Variants in UST observed in about 807,000 individuals in gnomAD.
UST encodes the protein chondroitin sulfate 2-O-sulfotransferase.
Under a neutral mutation model 45.6 loss-of-function variants are expected in UST, and 21 were observed. That is an observed-to-expected ratio of 0.46 (90% CI 0.33 to 0.66). The LOEUF (loss-of-function observed/expected upper bound fraction) is 0.66, where lower values mean the gene tolerates loss of function less well. Ranked by LOEUF, UST falls within the 30% of genes least tolerant of loss-of-function variation. The probability of loss-of-function intolerance (pLI) is 0.02; values close to 1 mark genes in which losing one functional copy is unlikely to be tolerated. For missense variants in UST, 463 were observed against 512.4 expected (o/e 0.90, Z 0.93); for synonymous variants, 215 against 200.6 (o/e 1.07, Z -0.61).
At chr6:148,877,983 C>T (rs1411685748) in intron 1 of UST, among the ~76,000 whole-genome samples, 51 of 34,424 alleles carry the variant, frequency 1.5e-3, no homozygotes, top group African/African-American at 3.0e-3. Flanking sequence ...GGATCGTGTA[C>T]GAGTGTGGGG....
At chr6:148,945,000 G>A (rs147629417) in intron 3 of UST, among the ~76,000 whole-genome samples, 97 of 152,314 alleles carry the variant, frequency 6.4e-4, no homozygotes, top group African/African-American at 2.2e-3. Context: ...TACAAGAAAG[G>A]TCAGAGTGCT....
At chr6:148,947,715 T>G (rs537857367) in intron 3 of UST, among the ~76,000 whole-genome samples, 1 of 152,276 alleles carries the variant, frequency 6.6e-6, no homozygotes, top group Non-Finnish European at 1.5e-5. Flanking sequence ...AAAGCCTCGC[T>G]TAGAATGACC....
At chr6:148,976,075 A>G (rs1006435322) in intron 5 of UST, among the ~76,000 whole-genome samples, 5 of 152,258 alleles carry the variant, frequency 3.3e-5, no homozygotes, top group African/African-American at 9.6e-5. Flanking sequence ...AGTCTTATAA[A>G]TCAGTAAAAA....
rs368228638 is a variant in UST, at chr6:148,902,043, T to C, written c.291+15014T>C. ...TTTATTCTAGCTTCCAGTATTTCTG[T>C]TGAGAAAACGAATTCCTGATTTTTT... On this transcript the variant is annotated intron_variant, in intron 2 of 7. Transcript: ENST00000367463. Among the ~76,000 whole-genome samples the C allele has an allele frequency of 5.9e-5, 9 of 152,318 alleles. No individual in the cohort carries two copies. The South Asian group carries it at 1.9e-3, about 32-fold the overall frequency.
chr6:148,841,820 G>A (rs967689106), intron 1 of UST, among the ~76,000 whole-genome samples: 4 of 152,256 alleles, frequency 2.6e-5, no homozygotes, highest in Admixed American at 1.3e-4. Context: ...AAAAGCCAAA[G>A]GGGGCTGGGT....
chr6:148,938,110 A>G (rs144343342), intron 2 of UST, among the ~76,000 whole-genome samples: 1 of 152,314 alleles, frequency 6.6e-6, no homozygotes, highest in Non-Finnish European at 1.5e-5. Flanking sequence ...ATTTTCTCTG[A>G]TGACTTCAAA....
At chr6:148,908,591 A>G (rs995730310) in intron 2 of UST, among the ~76,000 whole-genome samples, 3 of 152,216 alleles carry the variant, frequency 2.0e-5, no homozygotes, top group Admixed American at 6.5e-5. Flanking sequence ...CAGGGCTTCT[A>G]TATTTTGAAT....
chr6:148,925,818 G>A (rs9485339), intron 2 of UST, among the ~76,000 whole-genome samples: 26 of 152,262 alleles, frequency 1.7e-4, no homozygotes, highest in African/African-American at 5.8e-4. Flanking sequence ...TTTTTAATGC[G>A]CTTACACTAA....
chr6:148,879,966 T>C lies in UST; in HGVS notation c.248-7020T>C, dbSNP rs536146290. ...CTTTTTTTTTTCTTTTTTTTTTTTT[T>C]TGACAAGGTCTTGCTCTGTTGCCCA... On this transcript the variant is annotated intron_variant, in intron 1 of 7. Coordinates refer to ENST00000367463, the MANE Select transcript of UST (RefSeq NM_005715.3). 4.1e-4 allele frequency among the ~76,000 whole-genome samples: 62 copies of C among 150,266 alleles called. No individual in the cohort carries two copies. The South Asian group carries it at 0.013, about 31-fold the overall frequency.
chr6:149,052,210 T>A (rs577506482), intron 7 of UST, among the ~76,000 whole-genome samples: 1 of 152,364 alleles, frequency 6.6e-6, no homozygotes, highest in East Asian at 1.9e-4. Flanking sequence ...TTCAACTAAA[T>A]TGAAATTAAT....
intron 1 of UST, among the ~76,000 whole-genome samples, chr6:148,857,762 C>CA (rs35774834): frequency 0.37 from 44,951 of 120,304 alleles, 8,006 homozygotes; most frequent in East Asian, 0.56. Context: ...GTCTCCATCT[C>CA]AAAAAAAAAA....
At chr6:148,969,877 C>T (rs1780879716) in intron 5 of UST, among the ~76,000 whole-genome samples, 4 of 152,216 alleles carry the variant, frequency 2.6e-5, no homozygotes. Context: ...TGATCCCAGC[C>T]CGCTGGCATA....
At chr6:148,774,916 G>A (rs1446525662) in intron 1 of UST, among the ~76,000 whole-genome samples, 1 of 152,168 alleles carries the variant, frequency 6.6e-6, no homozygotes, top group Non-Finnish European at 1.5e-5. Flanking sequence ...TACTGGGGAG[G>A]CTGGGGCAGG....
At chr6:149,032,091 C>T (rs563472232) in intron 7 of UST, among the ~76,000 whole-genome samples, 1 of 152,156 alleles carries the variant, frequency 6.6e-6, no homozygotes, top group Non-Finnish European at 1.5e-5. Context: ...TTAAGACGGC[C>T]CTACCAGAGG....
intron 5 of UST, among the ~76,000 whole-genome samples, chr6:148,975,163 A>G (rs1236548585): frequency 6.6e-6 from 1 of 152,250 alleles, no homozygotes; most frequent in Non-Finnish European, 1.5e-5. Context: ...ACCAGTCTTG[A>G]TGACCGCTCA....
At chr6:148,889,058 C>T (rs1429799524) in intron 2 of UST, among the ~76,000 whole-genome samples, 1 of 152,208 alleles carries the variant, frequency 6.6e-6, no homozygotes, top group East Asian at 1.9e-4. Flanking sequence ...TTCACTGAGC[C>T]AGTATTCTCA....
intron 2 of UST, among the ~76,000 whole-genome samples, chr6:148,894,029 A>C (rs1273659011): frequency 6.6e-6 from 1 of 152,126 alleles, no homozygotes; most frequent in Non-Finnish European, 1.5e-5. Context: ...TTCAAAAAAA[A>C]GTCTAGGATG....
intron 2 of UST, among the ~76,000 whole-genome samples, chr6:148,899,256 C>T (rs969528562): frequency 4.6e-5 from 7 of 152,044 alleles, no homozygotes; most frequent in East Asian, 1.9e-4. Flanking sequence ...CCCGCCACTA[C>T]GCCCAGCTAA....
chr6:148,821,308 G>A (rs142460478), intron 1 of UST, among the ~76,000 whole-genome samples: 1 of 151,842 alleles, frequency 6.6e-6, no homozygotes, highest in Non-Finnish European at 1.5e-5. Flanking sequence ...TAACGTTGTA[G>A]AATTACCTTG....
Sources: gnomAD v4.1 joint callset for allele counts (sites outside exome capture counted in the v4.1 genomes callset) on GRCh38, gnomAD v4.1.1 for gene constraint, MANE v1.5 for transcripts, NCBI Gene and HGNC (gene_info 2026-07-23, HGNC 2026-07-21) for gene names.